The following CATSPERB variants were observed in gnomAD, a reference collection of about 807,000 sequenced individuals.
CATSPERB encodes cation channel sperm-associated auxiliary subunit beta.
Under a neutral mutation model 128.3 loss-of-function variants are expected in CATSPERB, and 93 were observed. That is an observed-to-expected ratio of 0.72 (90% CI 0.61 to 0.86). The LOEUF is 0.86. CATSPERB is among the 40% of genes least tolerant of loss of function. CATSPERB has a pLI of 0.00. For missense variants in CATSPERB, 1,153 were observed against 1,329.5 expected (o/e 0.87, Z 2.06); for synonymous variants, 381 against 448.8 (o/e 0.85, Z 1.91).
chr14:91,716,715 AC>A (rs1895947139), intron 5 of CATSPERB, among the ~76,000 whole-genome samples: 1 of 113,852 alleles, frequency 8.8e-6, no homozygotes. Flanking sequence ...ACAAGCATAC[AC>A]ACACACACAC....
intron 11 of CATSPERB, among the ~76,000 whole-genome samples, chr14:91,682,239 T>C (rs1300143362): frequency 6.6e-6 from 1 of 152,172 alleles, no homozygotes; most frequent in African/African-American, 2.4e-5. Context: ...GCCTCATGAA[T>C]TTCCTATTTG....
intron 14 of CATSPERB, among the ~76,000 whole-genome samples, chr14:91,668,072 T>C (rs1355447638): frequency 6.6e-6 from 1 of 152,164 alleles, no homozygotes; most frequent in Non-Finnish European, 1.5e-5. Flanking sequence ...TGGAGGACAC[T>C]ACAACTGCAG....
intron 25 of CATSPERB, 25 bp downstream of exon 25, chr14:91,587,953 G>A (rs775458477): frequency 4.1e-6 from 6 of 1,464,030 alleles, no homozygotes; most frequent in Non-Finnish European, 1.9e-6. Context: ...ACTCAACACA[G>A]TAAAAACAAC....
intron 17 of CATSPERB, among the ~76,000 whole-genome samples, chr14:91,628,999 C>A (rs539586311): frequency 6.6e-6 from 1 of 152,296 alleles, no homozygotes; most frequent in East Asian, 1.9e-4. Context: ...AGCATACAAT[C>A]AAGCAAAATG....
At chr14:91,585,378 G>A (rs947206053) in intron 26 of CATSPERB, among the ~76,000 whole-genome samples, 2 of 152,136 alleles carry the variant, frequency 1.3e-5, no homozygotes, top group African/African-American at 2.4e-5. Flanking sequence ...ACAGATCCCT[G>A]AGGCAAGATC....
intron 3 of CATSPERB, 26 bp from the exon 4 acceptor site, chr14:91,723,215 A>AG: frequency 4.1e-6 from 6 of 1,456,666 alleles, no homozygotes; most frequent in Non-Finnish European, 5.4e-6. Flanking sequence ...AAAAAAAAAA[A>AG]CAACTAATAA....
chr14:91,711,112 C>T (rs930059322), intron 5 of CATSPERB, among the ~76,000 whole-genome samples: 3 of 152,210 alleles, frequency 2.0e-5, no homozygotes, highest in African/African-American at 4.8e-5. Flanking sequence ...AGGGTCCTTC[C>T]TTCCTCATAT....
chr14:91,683,949 T>G lies in CATSPERB; in HGVS notation c.865-6A>C, dbSNP rs1040190824. 1 of 1,565,858 alleles carries G rather than the reference T, an allele frequency of 6.4e-7. No individual in the cohort carries two copies. Among genetic ancestry groups the G allele is most frequent in the East Asian group, 2.3e-5 (1 of 44,406 alleles). On this transcript the variant is annotated splice_polypyrimidine_tract_variant and splice_region_variant and intron_variant, in intron 10 of 26. Transcript: ENST00000256343. Reference sequence around the variant, plus strand: ...TTTCCTTTCACATAGTCAACCTACATAAATAAATAAAATATCACTTAGCCA... The same window carrying G: ...TTTCCTTTCACATAGTCAACCTACAGAAATAAATAAAATATCACTTAGCCA...
chr14:91,660,310 A>G (rs1431039541), intron 14 of CATSPERB, among the ~76,000 whole-genome samples: 1 of 152,214 alleles, frequency 6.6e-6, no homozygotes, highest in African/African-American at 2.4e-5. Context: ...TTCATAAAAG[A>G]ATGGAGTGCT....
chr14:91,657,296 A>G (rs1655758456), intron 15 of CATSPERB, among the ~76,000 whole-genome samples: 1 of 152,152 alleles, frequency 6.6e-6, no homozygotes, highest in Non-Finnish European at 1.5e-5. Flanking sequence ...CCATATCCAT[A>G]TGCAGAAGAT....
intron 7 of CATSPERB, among the ~76,000 whole-genome samples, chr14:91,694,438 C>CAAAAAAAA (rs547649333): frequency 3.0e-5 from 2 of 65,768 alleles, no homozygotes; most frequent in African/African-American, 5.8e-5. Context: ...GACCCTATCT[C>CAAAAAAAA]AAAAAAAAAA....
At chr14:91,613,551 T>C (rs1380340817) in intron 20 of CATSPERB, among the ~76,000 whole-genome samples, 1 of 152,128 alleles carries the variant, frequency 6.6e-6, no homozygotes, top group African/African-American at 2.4e-5. Context: ...TAGGCAGAAG[T>C]GAGCAGGAAG....
chr14:91,636,552 G>A lies in CATSPERB; in HGVS notation c.1615C>T (p.Leu539Phe), dbSNP rs772523038. ...TCTAAGGAGGTGTGCTGTGGGGCAA[G>A]CGCAGTCTCAAAGCCCATATCTGGA... ...QPPDMGFETA[L>F]APQHTSLDEI... The change falls in exon 17 of 27, where the codon CTT becomes TTT. Residue 539 changes from leucine (L) to phenylalanine (F), a missense_variant. Leu to Phe is a conservative substitution (Grantham distance 22). Coordinates refer to ENST00000256343, the MANE Select transcript of CATSPERB (RefSeq NM_024764.4). 5.6e-6 allele frequency: 9 copies of A among 1,613,962 alleles called. No individual in the cohort carries two copies. Among genetic ancestry groups the A allele is most frequent in the Non-Finnish European group, 7.6e-6 (9 of 1,179,960 alleles).
At chr14:91,677,169 A>G (rs1020578987) in intron 11 of CATSPERB, among the ~76,000 whole-genome samples, 2 of 152,210 alleles carry the variant, frequency 1.3e-5, no homozygotes, top group Admixed American at 1.3e-4. Flanking sequence ...ATGGGCAAAG[A>G]CTTCATGATG....
chr14:91,597,880 A>G (rs1207789959), intron 22 of CATSPERB, among the ~76,000 whole-genome samples: 1 of 152,252 alleles, frequency 6.6e-6, no homozygotes, highest in Non-Finnish European at 1.5e-5. Flanking sequence ...AAGCACATAC[A>G]GGAAGATAAA....
chr14:91,672,506 G>A (rs567180091), intron 13 of CATSPERB, among the ~76,000 whole-genome samples: 32 of 152,068 alleles, frequency 2.1e-4, no homozygotes, highest in Admixed American at 3.9e-4. Flanking sequence ...GGTTAAGGAC[G>A]TTTGGAAGAA....
At position 91,669,967 on chromosome 14, in the gene CATSPERB, C is replaced by T. The variant is rs267604090; in HGVS notation, c.1134G>A (p.Arg378=). 1.9e-6 allele frequency: 3 copies of T among 1,611,244 alleles called. No individual in the cohort carries two copies. Among genetic ancestry groups the T allele is most frequent in the Non-Finnish European group, 2.5e-6 (3 of 1,179,070 alleles). The change falls in exon 14 of 27, where the codon AGG becomes AGA. Residue 378 remains arginine (R), a synonymous_variant. Transcript: ENST00000256343. ...TGVYLFYNKV[R]KTAIASVSTL... is the part of the protein sequence containing the mutation. ...TGCTCACAGAGGCAATGGCAGTTTT[C>T]CTGACCTAGGTAAACAAAGAATGAG...
intron 2 of CATSPERB, 58 bp downstream of exon 2, chr14:91,729,343 G>A: frequency 2.8e-6 from 2 of 720,174 alleles, no homozygotes; most frequent in Admixed American, 3.1e-5. Context: ...AAATAAGGAA[G>A]AGACACAAAT....
rs555771945 is a variant in CATSPERB, at chr14:91,612,091, G to A, written c.2401-1414C>T. 1.8e-3 allele frequency among the ~76,000 whole-genome samples: 254 copies of A among 138,028 alleles called. 1 individual carries two copies. Among genetic ancestry groups the A allele is most frequent in the African/African-American group, 6.9e-3 (244 of 35,340 alleles). 90.6% of individuals were successfully genotyped at this position (138,028 alleles called of 152,430 possible). A position where few individuals can be genotyped will look rare whatever the true frequency, so the allele number is the denominator to read the frequency against. The stretch of plus-strand genomic sequence containing the variant: ...TCCTTTTTTTAAGAGATGAGATCGC[G>A]CTCTGTCACCCAGGCTGGAGTACAG... On this transcript the variant is annotated intron_variant, in intron 20 of 26. Coordinates refer to ENST00000256343, the MANE Select transcript of CATSPERB (RefSeq NM_024764.4).
Sources: gnomAD v4.1 joint callset for allele counts (sites outside exome capture counted in the v4.1 genomes callset) on GRCh38, gnomAD v4.1.1 for gene constraint, MANE v1.5 for transcripts, NCBI Gene and HGNC (gene_info 2026-07-23, HGNC 2026-07-21) for gene names.